Variants in NLRC5 observed in about 807,000 individuals in gnomAD.
The protein encoded by NLRC5 is protein NLRC5.
Under a neutral mutation model 206.9 loss-of-function variants are expected in NLRC5, and 114 were observed. The ratio of observed to expected loss-of-function variants is 0.55; its 90% CI spans 0.47 to 0.64. The LOEUF is 0.64. Among genes scored for constraint, NLRC5 ranks in the 30% least tolerant of loss-of-function variants. The probability of loss-of-function intolerance (pLI) is 0.00; values close to 1 mark genes in which losing one functional copy is unlikely to be tolerated. For missense variants in NLRC5, 2,008 were observed against 2,305.5 expected (o/e 0.87, Z 2.64); for synonymous variants, 952 against 962.8 (o/e 0.99, Z 0.21).
chr16:57,006,984 A>G (rs1266283250), intron 1 of NLRC5, among the ~76,000 whole-genome samples: 1 of 151,486 alleles, frequency 6.6e-6, no homozygotes, highest in African/African-American at 2.4e-5. Flanking sequence ...TTTACTCATC[A>G]TCTTGTATTT....
At chr16:57,008,645 ACT>A in intron 1 of NLRC5, among the ~76,000 whole-genome samples, 1 of 152,230 alleles carries the variant, frequency 6.6e-6, no homozygotes, top group Non-Finnish European at 1.5e-5. Flanking sequence ...TTATTAAATT[ACT>A]CCATTCCAAA....
intron 10 of NLRC5, 35 bp downstream of exon 10, chr16:57,030,119 C>T (rs2061638138): frequency 6.4e-7 from 1 of 1,563,666 alleles, no homozygotes; most frequent in South Asian, 1.1e-5. Context: ...GCCTTATGGG[C>T]CTTGAGAAAA....
At chr16:57,054,390 A>G (rs150714412) in intron 24 of NLRC5, among the ~76,000 whole-genome samples, 5 of 152,154 alleles carry the variant, frequency 3.3e-5, no homozygotes, top group African/African-American at 1.2e-4. Flanking sequence ...CTTGCAGGTA[A>G]AAACAATAGT....
intron 30 of NLRC5, among the ~76,000 whole-genome samples, chr16:57,060,795 C>T (rs1597400783): frequency 6.6e-6 from 1 of 152,218 alleles, no homozygotes; most frequent in East Asian, 1.9e-4. Context: ...TCCTTTAACA[C>T]CCAGCTCAAA....
intron 8 of NLRC5, among the ~76,000 whole-genome samples, chr16:57,029,393 G>A (rs879599729): frequency 2.0e-5 from 3 of 152,138 alleles, no homozygotes; most frequent in Admixed American, 6.5e-5. Flanking sequence ...GGCTGGAAGC[G>A]ATGTCTGCAG....
chr16:57,024,088 C>T (rs2142993203), intron 5 of NLRC5, among the ~76,000 whole-genome samples: 1 of 152,350 alleles, frequency 6.6e-6, no homozygotes, highest in South Asian at 2.1e-4. Flanking sequence ...CTGAAGAGGG[C>T]TCCGCTGAAG....
At chr16:57,056,421 G>C (rs2144487317) in intron 27 of NLRC5, among the ~76,000 whole-genome samples, 1 of 152,104 alleles carries the variant, frequency 6.6e-6, no homozygotes, top group African/African-American at 2.4e-5. Flanking sequence ...CTCTGGAGTA[G>C]CTGGGACTAC....
chr16:57,070,248 G>GGTGTGTGT (rs36048473), intron 37 of NLRC5, among the ~76,000 whole-genome samples: 21 of 149,836 alleles, frequency 1.4e-4, no homozygotes, highest in African/African-American at 4.9e-4. Flanking sequence ...AGAACAAGAG[G>GGTGTGTGT]GTGTGTGTGT....
chr16:56,991,068 A>C (rs535925297), intron 1 of NLRC5: 1 of 152,308 alleles, frequency 6.6e-6, no homozygotes, highest in South Asian at 2.1e-4. Context: ...TAAAATGAAC[A>C]TATGCAAATC....
At chr16:57,017,459 C>T (rs74023632) in intron 2 of NLRC5, among the ~76,000 whole-genome samples, 9,339 of 152,238 alleles carry the variant, frequency 0.061, 387 homozygotes, top group African/African-American at 0.12. Flanking sequence ...CAAGGTCACA[C>T]TATGAGTGTA....
chr16:57,028,372 C>G lies in NLRC5; in HGVS notation c.2230C>G (p.Leu744Val). ...LVKALPLCPQ[L>V]KEVSFRDNQL... ...GAAAGCTTTGCCTCTCTGTCCACAG[C>G]TGAAAGAAGTCAGGTGAGTGATCTC... is the stretch of plus-strand genomic sequence containing the variant. The change falls in exon 8 of 49, where the codon CTG (leucine) becomes GTG (valine). Residue 744 changes from leucine (L) to valine (V), a missense_variant. Transcript: ENST00000688547. 6.2e-7 allele frequency: 1 copy of G among 1,613,980 alleles called. No individual in the cohort carries two copies. Among genetic ancestry groups the G allele is most frequent in the Non-Finnish European group, 8.5e-7 (1 of 1,179,850 alleles).
rs756533119 is a variant in NLRC5 at position 57,025,327 on chromosome 16, C to CG, written c.425-35dup. The CG allele has an allele frequency of 2.6e-5, 39 of 1,509,168 alleles. 1 individual carries two copies. The highest frequency in any genetic ancestry group is 6.7e-5 in the South Asian group (5 of 74,640). The allele number at this position is 1,509,168 out of a possible 1,614,324, so 93.5% of individuals were successfully genotyped here. On this transcript the variant is annotated intron_variant, in intron 5 of 48. Transcript: ENST00000688547. ...GGGCAAGAAGACATGAGCAGAGGGC[C>CG]GGGGGGTCCTCTCCTCATGCCATGT...
At chr16:56,998,106 G>T (rs928316034) in intron 1 of NLRC5, among the ~76,000 whole-genome samples, 4 of 151,684 alleles carry the variant, frequency 2.6e-5, no homozygotes, top group Admixed American at 2.0e-4. Flanking sequence ...GGCAATGTCT[G>T]CCAGGATGGG....
chr16:57,023,717 G>C (rs1340939908), intron 4 of NLRC5, 68 bp from the exon 5 acceptor site: 1 of 1,373,092 alleles, frequency 7.3e-7, no homozygotes, highest in East Asian at 2.5e-5. Flanking sequence ...GTTCCCCAAA[G>C]GTTCTGGGTA....
Position 57,061,200 on chromosome 16 carries a change from C to T in NLRC5, c.3987-248C>T, listed in dbSNP as rs199476002. On this transcript the variant is annotated intron_variant, in intron 30 of 48. Transcript: ENST00000688547. The stretch of plus-strand genomic sequence containing the variant: ...ACCCAGAGGCTGGCACAGTGCCTGA[C>T]CTAGAGTCAGCCTCCCTAAATAACT... 3.9e-5 allele frequency among the ~76,000 whole-genome samples: 6 copies of T among 152,332 alleles called. No individual in the cohort carries two copies. Among genetic ancestry groups the T allele is most frequent in the African/African-American group, 1.4e-4 (6 of 41,578 alleles).
At position 57,061,504 on chromosome 16, in the gene NLRC5, G is replaced by A. The variant is rs1441848165; in HGVS notation, c.4043G>A (p.Ser1348Asn). Residue 1348 changes from serine to asparagine, a missense_variant, in exon 31 of 49, where the codon AGC (serine) becomes AAC (asparagine). By Grantham distance (46) the Ser-to-Asn change is conservative. Coordinates refer to ENST00000688547, the MANE Select transcript of NLRC5 (RefSeq NM_001384950.1). ...EHVSRLATGL[S>N]KSLQLTELTL... ...GTGTCCAGGCTGGCCACCGGCTTGA[G>A]CAAGTCCCTGCAGCTGACGGAGCTC... is the stretch of plus-strand genomic sequence containing the variant. 3 of 1,610,606 alleles carry A rather than the reference G, an allele frequency of 1.9e-6. No individual in the cohort carries two copies. In the South Asian group the frequency reaches 3.3e-5, roughly 18 times the overall value.
intron 2 of NLRC5, among the ~76,000 whole-genome samples, chr16:57,018,277 T>C (rs1231322512): frequency 1.3e-5 from 2 of 152,204 alleles, no homozygotes; most frequent in Non-Finnish European, 2.9e-5. Context: ...GACTTAGCCT[T>C]GTCTGGTGCC....
intron 13 of NLRC5, 70 bp downstream of exon 13, chr16:57,034,321 C>T: frequency 7.5e-5 from 48 of 639,396 alleles, no homozygotes; most frequent in Non-Finnish European, 1.2e-4. Flanking sequence ...AGGGCCTCGC[C>T]TTTGGGTGGG....
intron 3 of NLRC5, among the ~76,000 whole-genome samples, chr16:57,021,617 T>C (rs2060677294): frequency 6.6e-6 from 1 of 152,190 alleles, no homozygotes; most frequent in African/African-American, 2.4e-5. Flanking sequence ...GTGATCCTCC[T>C]CCCTTGGCCT....
Sources: allele counts gnomAD v4.1 joint callset (sites outside exome capture counted in the v4.1 genomes callset), GRCh38; gene constraint gnomAD v4.1.1; transcripts MANE v1.5; gene names NCBI Gene and HGNC (gene_info 2026-07-23, HGNC 2026-07-21).